The following CNTN4 variants were observed in gnomAD, a reference collection of about 807,000 sequenced individuals.
The protein encoded by CNTN4 is contactin 4.
A neutral mutation model predicts 122.5 loss-of-function variants in CNTN4; 77 were observed. The observed-to-expected ratio is 0.63, with a 90% CI of 0.52 to 0.76. The LOEUF (loss-of-function observed/expected upper bound fraction) is 0.76, where lower values mean the gene tolerates loss of function less well. Among genes scored for constraint, CNTN4 ranks in the 30% least tolerant of loss-of-function variants. The probability of loss-of-function intolerance (pLI) is 0.00; values close to 1 mark genes in which losing one functional copy is unlikely to be tolerated. For synonymous variants in CNTN4, 512 were observed against 447.0 expected, an observed-to-expected ratio of 1.15 and a Z score of -1.83; for missense variants, 1,256 against 1,259.1, an observed-to-expected ratio of 1.00 and a Z score of 0.04.
chr3:2,844,014 A>G (rs1272694011), intron 7 of CNTN4, among the ~76,000 whole-genome samples: 1 of 152,142 alleles, frequency 6.6e-6, no homozygotes, highest in Non-Finnish European at 1.5e-5. Context: ...GTCCGTCATT[A>G]TGTCCCCACA....
At position 2,568,956 on chromosome 3, in the gene CNTN4, C is replaced by T. The variant is rs1042100846; in HGVS notation, c.-88-2460C>T. Reference sequence around the variant, plus strand: ...AACATTGTAGATCAATCCCGAGGTCCGAGATGACATTTCTCTCACAAAATT... The same window carrying T: ...AACATTGTAGATCAATCCCGAGGTCTGAGATGACATTTCTCTCACAAAATT... On this transcript the variant is annotated intron_variant, in intron 3 of 24. Coordinates refer to ENST00000418658, the MANE Select transcript of CNTN4 (RefSeq NM_175607.3). Among the ~76,000 whole-genome samples the T allele has an allele frequency of 6.6e-5, 10 of 152,196 alleles. No homozygotes were observed. In the East Asian group the frequency reaches 7.7e-4, roughly 12 times the overall value.
intron 3 of CNTN4, among the ~76,000 whole-genome samples, chr3:2,482,631 C>T (rs1196592494): frequency 6.6e-6 from 1 of 152,258 alleles, no homozygotes; most frequent in East Asian, 1.9e-4. Context: ...CCAGGGAACC[C>T]CTGCTTTATG....
chr3:2,820,714 C>T (rs772519226), intron 7 of CNTN4, among the ~76,000 whole-genome samples: 73 of 152,046 alleles, frequency 4.8e-4, no homozygotes, highest in Non-Finnish European at 7.4e-4. Context: ...AGACATTCTT[C>T]TCAGCAATAT....
intron 2 of CNTN4, among the ~76,000 whole-genome samples, chr3:2,134,254 A>G (rs548505793): frequency 1.3e-5 from 2 of 152,280 alleles, no homozygotes; most frequent in South Asian, 4.1e-4. Flanking sequence ...TTTATTAATA[A>G]AGATTCTCTG....
chr3:2,573,744 T>C (rs1320882156), intron 4 of CNTN4, among the ~76,000 whole-genome samples: 3 of 152,134 alleles, frequency 2.0e-5, no homozygotes, highest in Non-Finnish European at 2.9e-5. Flanking sequence ...AGAGAATCAG[T>C]GTATTGATTG....
At chr3:2,840,722 A>T (rs1052686246) in intron 7 of CNTN4, among the ~76,000 whole-genome samples, 3 of 151,858 alleles carry the variant, frequency 2.0e-5, no homozygotes, top group African/African-American at 7.3e-5. Context: ...ATAAAAATAA[A>T]AAAATAAAAG....
chr3:2,697,716 GA>G (rs528875668), intron 4 of CNTN4, among the ~76,000 whole-genome samples: 11 of 151,212 alleles, frequency 7.3e-5, no homozygotes, highest in Middle Eastern at 3.4e-3. Flanking sequence ...TAGAGAGAGA[GA>G]AAAAAAAAGA....
chr3:2,276,776 C>T (rs1004989472), intron 2 of CNTN4, among the ~76,000 whole-genome samples: 4 of 151,908 alleles, frequency 2.6e-5, no homozygotes, highest in Middle Eastern at 3.2e-3. Flanking sequence ...ATTAGATGGG[C>T]GTGGTGGCGC....
At chr3:2,593,542 T>G (rs2080606716) in intron 4 of CNTN4, among the ~76,000 whole-genome samples, 1 of 152,200 alleles carries the variant, frequency 6.6e-6, no homozygotes, top group Non-Finnish European at 1.5e-5. Flanking sequence ...TAAGTTCATG[T>G]AATGACAACT....
chr3:3,047,840 C>G (rs572855011), intron 23 of CNTN4, among the ~76,000 whole-genome samples: 150 of 151,718 alleles, frequency 9.9e-4, no homozygotes, highest in African/African-American at 2.6e-3. Flanking sequence ...AATCCAGGAG[C>G]TGGTTTTTTG....
At chr3:2,474,035 C>T (rs2075770195) in intron 3 of CNTN4, among the ~76,000 whole-genome samples, 1 of 151,740 alleles carries the variant, frequency 6.6e-6, no homozygotes, top group South Asian at 2.1e-4. Context: ...AAAATATTGC[C>T]AAGTCTTCCT....
At chr3:2,153,739 G>A (rs568642752) in intron 2 of CNTN4, among the ~76,000 whole-genome samples, 7 of 152,106 alleles carry the variant, frequency 4.6e-5, no homozygotes, top group Non-Finnish European at 1.0e-4. Context: ...ATAGAGAATG[G>A]CGTGGGGTGA....
chr3:2,571,204 C>T (rs1171300237), intron 3 of CNTN4: 2 of 461,632 alleles, frequency 4.3e-6, no homozygotes, highest in Non-Finnish European at 7.9e-6. Context: ...CACAGGGACA[C>T]TTCAGCTCCA....
At chr3:3,012,794 C>T (rs965522812) in intron 14 of CNTN4, among the ~76,000 whole-genome samples, 4 of 151,930 alleles carry the variant, frequency 2.6e-5, no homozygotes, top group African/African-American at 7.2e-5. Context: ...TATGGTAAAA[C>T]CCCATCTCTA....
intron 6 of CNTN4, among the ~76,000 whole-genome samples, chr3:2,785,466 G>A (rs1249271899): frequency 6.6e-6 from 1 of 152,152 alleles, no homozygotes; most frequent in African/African-American, 2.4e-5. Flanking sequence ...CTACCTTGCT[G>A]AGTCCACTGA....
At chr3:2,950,485 T>C (rs920062316) in intron 13 of CNTN4, among the ~76,000 whole-genome samples, 6 of 152,070 alleles carry the variant, frequency 3.9e-5, no homozygotes, top group Non-Finnish European at 8.8e-5. Flanking sequence ...CTGTGATGAG[T>C]AGCAGGTCCC....
chr3:2,800,559 C>T (rs1437642256), intron 6 of CNTN4, among the ~76,000 whole-genome samples: 1 of 152,124 alleles, frequency 6.6e-6, no homozygotes, highest in Non-Finnish European at 1.5e-5. Context: ...TTTCTTAGTT[C>T]TCTGCCAGAC....
At chr3:2,862,360 A>T (rs1001355580) in intron 7 of CNTN4, among the ~76,000 whole-genome samples, 3 of 152,230 alleles carry the variant, frequency 2.0e-5, no homozygotes, top group Non-Finnish European at 4.4e-5. Context: ...AGAGCCATAC[A>T]TCATTTGTTG....
At chr3:2,539,877 A>G (rs561560152) in intron 3 of CNTN4, among the ~76,000 whole-genome samples, 81 of 152,198 alleles carry the variant, frequency 5.3e-4, no homozygotes, top group African/African-American at 1.8e-3. Flanking sequence ...TGCTTTGCAT[A>G]CTATAAAATG....
Sources: gnomAD v4.1 joint callset for allele counts (sites outside exome capture counted in the v4.1 genomes callset) on GRCh38, gnomAD v4.1.1 for gene constraint, MANE v1.5 for transcripts, NCBI Gene and HGNC (gene_info 2026-07-23, HGNC 2026-07-21) for gene names.